Variants in MAP2K3 observed in about 807,000 individuals in gnomAD.
The protein encoded by MAP2K3 is dual specificity mitogen-activated protein kinase kinase 3.
In MAP2K3, 30 loss-of-function variants were observed where a neutral mutation model predicts 46.4. The ratio of observed to expected loss-of-function variants is 0.65; its 90% CI spans 0.48 to 0.88. MAP2K3 has a LOEUF of 0.88. Among genes scored for constraint, MAP2K3 ranks in the 40% least tolerant of loss-of-function variants. MAP2K3 has a pLI of 0.00. For synonymous variants in MAP2K3, 189 were observed against 176.3 expected (o/e 1.07, Z -0.57); for missense variants, 380 against 464.5 (o/e 0.82, Z 1.67).
intron 1 of MAP2K3, among the ~76,000 whole-genome samples, chr17:21,296,736 G>A (rs1471401275): frequency 6.6e-6 from 1 of 152,312 alleles, no homozygotes; most frequent in African/African-American, 2.4e-5. Context: ...TGTGGCCGGT[G>A]CTGTGGCTGT....
intron 1 of MAP2K3, among the ~76,000 whole-genome samples, chr17:21,293,456 C>T (rs1479851110): frequency 4.6e-5 from 7 of 152,430 alleles, no homozygotes; most frequent in African/African-American, 9.6e-5. Context: ...CTCTGGCAGC[C>T]ATGGTTGCCC....
rs148625183 is a variant in MAP2K3 at position 21,286,951 on chromosome 17, T to C, written c.49+1982T>C. On this transcript the variant is annotated intron_variant, in intron 1 of 11. Coordinates refer to ENST00000342679, the MANE Select transcript of MAP2K3 (RefSeq NM_145109.3). Reference sequence around the variant, plus strand: ...CCAAAAACCCTATGAGCTCCTTCTTTTTTTCCATGTGCCATGCATTTTCTC... The same window carrying C: ...CCAAAAACCCTATGAGCTCCTTCTTCTTTTCCATGTGCCATGCATTTTCTC... Among the ~76,000 whole-genome samples the C allele has an allele frequency of 1.7e-4, 26 of 152,312 alleles. No individual in the cohort carries two copies. In the East Asian group the frequency reaches 4.8e-3, roughly 28 times the overall value.
At chr17:21,285,005 G>C in intron 1 of MAP2K3, 36 bp downstream of exon 1, 1 of 1,596,468 alleles carries the variant, frequency 6.3e-7, no homozygotes, top group Non-Finnish European at 8.5e-7. Flanking sequence ...GCCTGACCCC[G>C]CGCCTAATCT....
chr17:21,303,240 T>A lies in MAP2K3; in HGVS notation c.568+6T>A, dbSNP rs1209933747. The A allele has an allele frequency of 6.2e-7, 1 of 1,614,074 alleles. No homozygotes were observed. Among genetic ancestry groups the A allele is most frequent in the South Asian group, 1.1e-5 (1 of 91,086 alleles). ...GCTGTCGGTGATCCACAGAGGTCAG[T>A]GCCCGGCAGCCACCCAGGCACGGTG... is the stretch of plus-strand genomic sequence containing the variant. On this transcript the variant is annotated splice_donor_region_variant and intron_variant, in intron 7 of 11. Coordinates refer to ENST00000342679, the MANE Select transcript of MAP2K3 (RefSeq NM_145109.3).
intron 9 of MAP2K3, among the ~76,000 whole-genome samples, chr17:21,310,293 G>C (rs926889940): frequency 2.2e-4 from 33 of 151,954 alleles, no homozygotes; most frequent in African/African-American, 7.7e-4. Context: ...ATAGGTGTGA[G>C]CCACCGCACC....
intron 6 of MAP2K3, among the ~76,000 whole-genome samples, chr17:21,302,811 A>T (rs1976680152): frequency 6.6e-6 from 1 of 152,312 alleles, no homozygotes; most frequent in South Asian, 2.1e-4. Flanking sequence ...CTCCCCACCC[A>T]GCCTTCCCAA....
intron 1 of MAP2K3, chr17:21,296,129 G>A (rs1043903872): frequency 7.8e-7 from 1 of 1,289,494 alleles, no homozygotes; most frequent in African/African-American, 1.5e-5. Flanking sequence ...GGCCACAACA[G>A]GTCCCCATCT....
Position 21,298,396 on chromosome 17 carries a change from C to G in MAP2K3, c.50-17C>G, listed in dbSNP as rs767636188. 1 of 1,614,304 alleles carries G rather than the reference C, an allele frequency of 6.2e-7. No homozygotes were observed. The highest frequency in any genetic ancestry group is 2.2e-5 in the East Asian group (1 of 44,896). On this transcript the variant is annotated splice_polypyrimidine_tract_variant and intron_variant, in intron 1 of 11. Coordinates refer to ENST00000342679, the MANE Select transcript of MAP2K3 (RefSeq NM_145109.3). The stretch of plus-strand genomic sequence containing the variant: ...GTCAAGGGATAGGCCAGACGCCTCA[C>G]CTTCTCTCCATTCTAGGAAAATCCA...
At chr17:21,298,168 G>C (rs112514950) in intron 1 of MAP2K3, among the ~76,000 whole-genome samples, 3 of 152,310 alleles carry the variant, frequency 2.0e-5, no homozygotes, top group African/African-American at 7.2e-5. Flanking sequence ...AGTGGGCAGG[G>C]CTGAGATAAG....
intron 10 of MAP2K3, 106 bp downstream of exon 10, chr17:21,312,387 A>T (rs1289869451): frequency 3.3e-6 from 4 of 1,206,848 alleles, no homozygotes; most frequent in Non-Finnish European, 4.4e-6. Context: ...AAACCCCCAG[A>T]TGACTTGGCA....
intron 1 of MAP2K3, chr17:21,285,388 C>G (rs1351084836): frequency 1.6e-6 from 1 of 616,404 alleles, no homozygotes; most frequent in Non-Finnish European, 2.0e-6. Flanking sequence ...TTTCTAGCTT[C>G]GGGTCCCAGG....
chr17:21,300,842 G>A (rs746498593), intron 4 of MAP2K3, 32 bp from the exon 5 acceptor site: 3 of 1,613,746 alleles, frequency 1.9e-6, no homozygotes, highest in Non-Finnish European at 1.7e-6. Flanking sequence ...CCTCTGCCAC[G>A]GCAACCTCTG....
intron 1 of MAP2K3, chr17:21,296,061 G>C: frequency 7.8e-7 from 1 of 1,288,834 alleles, no homozygotes; most frequent in Non-Finnish European, 1.0e-6. Context: ...ATTACTTAGG[G>C]CAGTTTTTTT....
chr17:21,296,771 C>G (rs939934342), intron 1 of MAP2K3, among the ~76,000 whole-genome samples: 1 of 152,308 alleles, frequency 6.6e-6, no homozygotes, highest in Non-Finnish European at 1.5e-5. Flanking sequence ...GAGACCCATG[C>G]GGTCCCTGAC....
chr17:21,297,347 AG>A (rs1164979749), intron 1 of MAP2K3, among the ~76,000 whole-genome samples: 12 of 152,422 alleles, frequency 7.9e-5, no homozygotes, highest in African/African-American at 2.9e-4. Flanking sequence ...AGCCAGCAGC[AG>A]GGAGTGGCGG....
intron 1 of MAP2K3, chr17:21,298,201 C>A: frequency 1.3e-6 from 1 of 761,216 alleles, no homozygotes; most frequent in Non-Finnish European, 2.4e-6. Context: ...AGCCTCCAGG[C>A]CTGGGTCTGT....
intron 1 of MAP2K3, among the ~76,000 whole-genome samples, chr17:21,286,150 T>G (rs1434171029): frequency 6.6e-6 from 1 of 152,158 alleles, no homozygotes; most frequent in Non-Finnish European, 1.5e-5. Flanking sequence ...TGGTGAATAG[T>G]AAAGAGCTCT....
chr17:21,298,312 A>AG, intron 1 of MAP2K3, 101 bp from the exon 2 acceptor site: 1 of 1,531,690 alleles, frequency 6.5e-7, no homozygotes, highest in Non-Finnish European at 9.0e-7. Context: ...GTGATGGCAG[A>AG]GGCTGGCACC....
intron 1 of MAP2K3, among the ~76,000 whole-genome samples, chr17:21,287,683 G>A (rs1192443941): frequency 1.3e-5 from 2 of 152,268 alleles, no homozygotes; most frequent in Admixed American, 6.5e-5. Flanking sequence ...GGGGCCAGTG[G>A]GTGGGGGCAT....
Sources: gnomAD v4.1 joint callset for allele counts (sites outside exome capture counted in the v4.1 genomes callset) on GRCh38, gnomAD v4.1.1 for gene constraint, MANE v1.5 for transcripts, NCBI Gene and HGNC (gene_info 2026-07-23, HGNC 2026-07-21) for gene names.